The following TMEM196 variants were observed in gnomAD, a reference collection of about 807,000 sequenced individuals.
TMEM196 encodes the protein transmembrane protein 196.
A neutral mutation model predicts 20.0 loss-of-function variants in TMEM196; 17 were observed. That is an observed-to-expected ratio of 0.85 (90% confidence interval 0.58 to 1.27). TMEM196 has a LOEUF of 1.27. Ranked by LOEUF, TMEM196 falls within the 50% of genes most tolerant of loss-of-function variation. TMEM196 has a pLI of 0.00. For synonymous variants in TMEM196, 113 were observed against 88.9 expected, an observed-to-expected ratio of 1.27 and a Z score of -1.52; for missense variants, 267 against 223.0, an observed-to-expected ratio of 1.20 and a Z score of -1.26.
intron 2 of TMEM196, among the ~76,000 whole-genome samples, chr7:19,728,560 C>T (rs1476916685): frequency 2.0e-5 from 3 of 152,142 alleles, no homozygotes; most frequent in Non-Finnish European, 4.4e-5. Flanking sequence ...GCTTCCCATT[C>T]CCTGATCTGC....
chr7:19,767,618 A>T (rs1785688295), intron 1 of TMEM196, among the ~76,000 whole-genome samples: 1 of 152,074 alleles, frequency 6.6e-6, no homozygotes, highest in South Asian at 2.1e-4. Flanking sequence ...AACTTTGAAC[A>T]ACATTTTGAA....
At position 19,760,984 on chromosome 7, in the gene TMEM196, G is replaced by T. The variant is rs569935787; in HGVS notation, c.147+11566C>A. ...TCCTCTTTTGTCTCATCCCAACCCA[G>T]TGTGGACTACAGAGTTAAGGCCCAT... On this transcript the variant is annotated intron_variant, in intron 1 of 4. Transcript: ENST00000405844. 5.3e-5 allele frequency among the ~76,000 whole-genome samples: 8 copies of T among 152,270 alleles called. No homozygotes were observed. In the East Asian group the frequency reaches 1.5e-3, roughly 29 times the overall value.
At chr7:19,741,339 A>G (rs929706183) in intron 1 of TMEM196, among the ~76,000 whole-genome samples, 1 of 152,176 alleles carries the variant, frequency 6.6e-6, no homozygotes, top group African/African-American at 2.4e-5. Context: ...TAGATGACAT[A>G]ATGGAACTTC....
intron 1 of TMEM196, among the ~76,000 whole-genome samples, chr7:19,749,279 C>T (rs144793514): frequency 6.6e-5 from 10 of 152,240 alleles, no homozygotes; most frequent in Admixed American, 3.3e-4. Flanking sequence ...ACACGTGATA[C>T]GGAGAGAGCC....
intron 1 of TMEM196, among the ~76,000 whole-genome samples, chr7:19,760,659 C>A (rs1198362562): frequency 1.3e-5 from 2 of 152,028 alleles, no homozygotes; most frequent in Non-Finnish European, 2.9e-5. Flanking sequence ...CTGCGCCCAG[C>A]CTATTTTCCT....
At chr7:19,764,306 G>T (rs924098611) in intron 1 of TMEM196, among the ~76,000 whole-genome samples, 3 of 152,208 alleles carry the variant, frequency 2.0e-5, no homozygotes, top group Admixed American at 1.3e-4. Flanking sequence ...GCCCTGCAGA[G>T]CTCTCCAAGC....
intron 1 of TMEM196, among the ~76,000 whole-genome samples, chr7:19,735,585 A>T (rs1784369767): frequency 6.6e-6 from 1 of 152,146 alleles, no homozygotes; most frequent in Non-Finnish European, 1.5e-5. Context: ...AAAAAAGGCA[A>T]TGGTAGAATT....
intron 4 of TMEM196, 77 bp downstream of exon 4, chr7:19,724,203 A>G: frequency 7.9e-7 from 1 of 1,272,148 alleles, no homozygotes; most frequent in Admixed American, 2.0e-5. Context: ...TGATCTGTTG[A>G]CATCATGGCT....
In TMEM196 at chr7:19,772,673, A is replaced by G; in HGVS notation, c.24T>C (p.Ile8=). Residue 8 remains isoleucine, a synonymous_variant, in exon 1 of 5, where the codon ATT becomes ATC. Coordinates refer to ENST00000405844, the MANE Select transcript of TMEM196 (RefSeq NM_001363562.2). ...GCACGGAGAGCACCAAGAGGCTCCC[A>G]ATAATCTGACCGCTGGTGCACATCC... MCTSGQI[I]GSLLVLSVLE... is the part of the protein sequence containing the mutation. 1 of 1,534,216 alleles carries G rather than the reference A, an allele frequency of 6.5e-7. No homozygotes were observed.
At position 19,733,710 on chromosome 7, in the gene TMEM196, G is replaced by C. The variant is rs185708507; in HGVS notation, c.148-4272C>G. Among the ~76,000 whole-genome samples the C allele has an allele frequency of 3.6e-3, 553 of 151,848 alleles. 1 individual carries two copies. The highest frequency in any genetic ancestry group is 0.013 in the African/African-American group (530 of 41,410). On this transcript the variant is annotated intron_variant, in intron 1 of 4. Transcript: ENST00000405844. Reference sequence around the variant, plus strand: ...AGAGGCAGGAATTCATCTTGGGCCTGGCATCCTATGCCTATACGAAGTAGA... The same window carrying C: ...AGAGGCAGGAATTCATCTTGGGCCTCGCATCCTATGCCTATACGAAGTAGA...
At chr7:19,762,678 G>A (rs1286698772) in intron 1 of TMEM196, among the ~76,000 whole-genome samples, 1 of 152,086 alleles carries the variant, frequency 6.6e-6, no homozygotes, top group Non-Finnish European at 1.5e-5. Flanking sequence ...GAAACATGTG[G>A]AAACTATAAT....
intron 1 of TMEM196, among the ~76,000 whole-genome samples, chr7:19,755,612 C>T (rs892071157): frequency 1.3e-5 from 2 of 152,204 alleles, no homozygotes; most frequent in Admixed American, 6.5e-5. Flanking sequence ...TGTACTGTAA[C>T]ACCTGTTTCT....
At chr7:19,730,281 A>T (rs947549131) in intron 1 of TMEM196, among the ~76,000 whole-genome samples, 1 of 151,630 alleles carries the variant, frequency 6.6e-6, no homozygotes, top group Non-Finnish European at 1.5e-5. Flanking sequence ...AAAAAAGAAC[A>T]CAAAGGGATA....
At chr7:19,740,004 C>T (rs1031417511) in intron 1 of TMEM196, among the ~76,000 whole-genome samples, 1 of 151,920 alleles carries the variant, frequency 6.6e-6, no homozygotes, top group Non-Finnish European at 1.5e-5. Context: ...CTCAGCAGTC[C>T]CACAAGTGAG....
At chr7:19,754,401 A>T (rs1005592209) in intron 1 of TMEM196, among the ~76,000 whole-genome samples, 1 of 152,192 alleles carries the variant, frequency 6.6e-6, no homozygotes, top group African/African-American at 2.4e-5. Flanking sequence ...TTATTTGTCA[A>T]ATTGATTCAC....
Position 19,760,873 on chromosome 7 carries a change from G to C in TMEM196, c.147+11677C>G, listed in dbSNP as rs188723532. 3.3e-5 allele frequency among the ~76,000 whole-genome samples: 5 copies of C among 152,300 alleles called. No individual in the cohort carries two copies. In the East Asian group the frequency reaches 9.7e-4, roughly 29 times the overall value. On this transcript the variant is annotated intron_variant, in intron 1 of 4. Coordinates refer to ENST00000405844, the MANE Select transcript of TMEM196 (RefSeq NM_001363562.2). ...ATCTAACAAGAAAGAGAACCGAGGA[G>C]AGTAAGCGGGTGGCTCATGAGAGTC... is the stretch of plus-strand genomic sequence containing the variant.
At chr7:19,763,834 A>G (rs1425581601) in intron 1 of TMEM196, among the ~76,000 whole-genome samples, 1 of 152,198 alleles carries the variant, frequency 6.6e-6, no homozygotes, top group African/African-American at 2.4e-5. Flanking sequence ...TTTAATTTTT[A>G]GAACAACTCC....
intron 1 of TMEM196, among the ~76,000 whole-genome samples, chr7:19,745,511 C>T (rs561859341): frequency 3.3e-5 from 5 of 152,028 alleles, no homozygotes; most frequent in African/African-American, 1.2e-4. Flanking sequence ...ATCACTATCA[C>T]ACTTAGGCTT....
At position 19,747,315 on chromosome 7, in the gene TMEM196, C is replaced by G. The variant is rs201550209; in HGVS notation, c.148-17877G>C. ...AAATAAAAATAAAAAAAAGAAAATC[C>G]CTATTATGTTTGTGGTGATTTTTAC... On this transcript the variant is annotated intron_variant, in intron 1 of 4. Coordinates refer to ENST00000405844, the MANE Select transcript of TMEM196 (RefSeq NM_001363562.2). 9.3e-5 allele frequency among the ~76,000 whole-genome samples: 14 copies of G among 151,166 alleles called. No homozygotes were observed. In the East Asian group the frequency reaches 2.5e-3, roughly 27 times the overall value.
Sources: gnomAD v4.1 joint callset for allele counts (sites outside exome capture counted in the v4.1 genomes callset) on GRCh38, gnomAD v4.1.1 for gene constraint, MANE v1.5 for transcripts, NCBI Gene and HGNC (gene_info 2026-07-23, HGNC 2026-07-21) for gene names.